Variants in ASTN2 observed in about 807,000 individuals in gnomAD.
ASTN2 encodes the protein astrotactin-2.
ASTN2 carries 54 observed loss-of-function variants against 139.8 expected under a neutral mutation model. The ratio of observed to expected loss-of-function variants is 0.39; its 90% CI spans 0.31 to 0.48. The LOEUF (loss-of-function observed/expected upper bound fraction) is 0.48. Among genes scored for constraint, ASTN2 ranks in the 20% least tolerant of loss-of-function variants. The pLI is 0.95. For missense variants in ASTN2, 1,565 were observed against 1,725.1 expected, an observed-to-expected ratio of 0.91 and a Z score of 1.64; for synonymous variants, 756 against 719.5, an observed-to-expected ratio of 1.05 and a Z score of -0.81.
intron 16 of ASTN2, among the ~76,000 whole-genome samples, chr9:116,676,083 T>C (rs1420855128): frequency 6.6e-6 from 1 of 152,144 alleles, no homozygotes; most frequent in Non-Finnish European, 1.5e-5. Flanking sequence ...GATTTTCTCT[T>C]GTAAAGTGGC....
At chr9:116,592,182 C>T (rs2416562) in intron 19 of ASTN2, among the ~76,000 whole-genome samples, 66,883 of 152,086 alleles carry the variant, frequency 0.44, 15,521 homozygotes, top group East Asian at 0.7. Context: ...ACCAGTGTAT[C>T]AGTCCATTCT....
intron 4 of ASTN2, among the ~76,000 whole-genome samples, chr9:117,119,283 C>A (rs1228169432): frequency 6.6e-6 from 1 of 152,212 alleles, no homozygotes; most frequent in Non-Finnish European, 1.5e-5. Flanking sequence ...AAATGAGGAA[C>A]TCTCTGGGGA....
chr9:116,642,855 G>A (rs886131214), intron 17 of ASTN2, among the ~76,000 whole-genome samples: 5 of 152,084 alleles, frequency 3.3e-5, no homozygotes, highest in Non-Finnish European at 7.4e-5. Context: ...CACAGCACCC[G>A]AATTTTACAA....
intron 5 of ASTN2, among the ~76,000 whole-genome samples, chr9:117,049,951 T>C (rs1292677149): frequency 1.3e-5 from 2 of 152,134 alleles, no homozygotes; most frequent in East Asian, 3.9e-4. Flanking sequence ...AGCTCTAGAA[T>C]GGCTCAGAAA....
intron 3 of ASTN2, among the ~76,000 whole-genome samples, chr9:117,142,688 G>A (rs1461903719): frequency 6.6e-6 from 1 of 151,996 alleles, no homozygotes; most frequent in Non-Finnish European, 1.5e-5. Context: ...AAAGTTGGAA[G>A]ATAAAAGGAA....
At chr9:116,964,956 A>G (rs1350770369) in intron 10 of ASTN2, among the ~76,000 whole-genome samples, 1 of 152,216 alleles carries the variant, frequency 6.6e-6, no homozygotes. Flanking sequence ...CAGCAACCAA[A>G]GTTATCGCTT....
At chr9:117,407,527 C>T (rs1397304083) in intron 1 of ASTN2, among the ~76,000 whole-genome samples, 1 of 152,192 alleles carries the variant, frequency 6.6e-6, no homozygotes, top group Non-Finnish European at 1.5e-5. Flanking sequence ...CTACAACATG[C>T]TTGTCAAATT....
intron 1 of ASTN2, among the ~76,000 whole-genome samples, chr9:117,388,870 T>G (rs1830471722): frequency 6.6e-6 from 1 of 152,228 alleles, no homozygotes; most frequent in African/African-American, 2.4e-5. Flanking sequence ...ATCTTGCCCT[T>G]GGGGTCCTTC....
At position 117,013,798 on chromosome 9, in the gene ASTN2, C is replaced by T. The variant is rs569182812; in HGVS notation, c.1424-5539G>A. ...CTACAGATGAGAACTAAAAATACCACGGAAGGAGGTATCACCAGACAAAAT... is the reference window on the plus strand; with the variant it reads ...CTACAGATGAGAACTAAAAATACCATGGAAGGAGGTATCACCAGACAAAAT... On this transcript the variant is annotated intron_variant, in intron 6 of 22. Coordinates refer to ENST00000313400, the MANE Select transcript of ASTN2 (RefSeq NM_001365068.1). Among the ~76,000 whole-genome samples the T allele has an allele frequency of 2.0e-4, 31 of 152,178 alleles. 1 individual carries two copies. In the South Asian group the frequency reaches 5.6e-3, roughly 28 times the overall value.
Position 117,414,481 on chromosome 9 carries a change from C to T in ASTN2, c.442+16G>A. 2 of 1,607,196 alleles carry T rather than the reference C, an allele frequency of 1.2e-6. No homozygotes were observed. The highest frequency in any genetic ancestry group is 1.7e-6 in the Non-Finnish European group (2 of 1,177,258). ...GGGTTCCTTGGGATCTAGCGCGTGC[C>T]GGCGCCCAGCCTTACCCAGGGTGAA... is the stretch of plus-strand genomic sequence containing the variant. On this transcript the variant is annotated intron_variant, in intron 1 of 22. Coordinates refer to ENST00000313400, the MANE Select transcript of ASTN2 (RefSeq NM_001365068.1). The surrounding 1 kb of genome is among the most constrained non-coding windows in gnomAD (Gnocchi z 4.2).
At chr9:116,895,529 T>G (rs915260355) in intron 10 of ASTN2, among the ~76,000 whole-genome samples, 1 of 152,138 alleles carries the variant, frequency 6.6e-6, no homozygotes, top group African/African-American at 2.4e-5. Flanking sequence ...GGGCAAAGGA[T>G]GTGAGTTAGA....
At chr9:116,753,142 C>T (rs993323539) in intron 13 of ASTN2, among the ~76,000 whole-genome samples, 6 of 152,168 alleles carry the variant, frequency 3.9e-5, no homozygotes, top group African/African-American at 1.4e-4. Flanking sequence ...AATAAACAAA[C>T]ATCCATATAA....
intron 10 of ASTN2, among the ~76,000 whole-genome samples, chr9:116,883,503 C>T (rs185579754): frequency 4.6e-5 from 7 of 152,308 alleles, no homozygotes; most frequent in African/African-American, 1.4e-4. Flanking sequence ...TTTCCTCACA[C>T]ACACACACTG....
At position 117,137,728 on chromosome 9, in the gene ASTN2, T is replaced by A. The variant is rs547292732; in HGVS notation, c.1168+3598A>T. Among the ~76,000 whole-genome samples, 17 of 152,130 alleles carry A rather than the reference T, an allele frequency of 1.1e-4. No individual in the cohort carries two copies. The East Asian group carries it at 3.3e-3, about 29-fold the overall frequency. ...TTCCAAACTTTTTTTTTTTTAATCA[T>A]GAAATTCTTTTGTCCAAGGAAATCT... On this transcript the variant is annotated intron_variant, in intron 4 of 22. Transcript: ENST00000313400.
intron 11 of ASTN2, among the ~76,000 whole-genome samples, chr9:116,826,147 G>C (rs1283194772): frequency 2.0e-5 from 3 of 152,234 alleles, no homozygotes; most frequent in African/African-American, 7.2e-5. Context: ...CCATTGGCAT[G>C]AGTTTGGGTT....
At chr9:117,241,113 C>A (rs1833192370) in intron 2 of ASTN2, among the ~76,000 whole-genome samples, 2 of 152,200 alleles carry the variant, frequency 1.3e-5, no homozygotes, top group African/African-American at 4.8e-5. Context: ...GGACCATTCG[C>A]TCTGACAGTA....
intron 16 of ASTN2, among the ~76,000 whole-genome samples, chr9:116,655,346 TCTC>T (rs1237045614): frequency 2.6e-5 from 4 of 152,314 alleles, no homozygotes; most frequent in African/African-American, 9.6e-5. Flanking sequence ...CTTTTATTCT[TCTC>T]CTGCTTAAAA....
At chr9:117,091,717 C>A (rs79952209) in intron 5 of ASTN2, among the ~76,000 whole-genome samples, 1 of 151,860 alleles carries the variant, frequency 6.6e-6, no homozygotes, top group African/African-American at 2.4e-5. Context: ...GCGGACAGAG[C>A]CCTGGGGAGA....
intron 19 of ASTN2, among the ~76,000 whole-genome samples, chr9:116,530,094 G>GATATATATAT (rs3984942): frequency 1.4e-4 from 7 of 51,076 alleles, no homozygotes; most frequent in African/African-American, 2.4e-4. Flanking sequence ...GATAAAGTGT[G>GATATATATAT]ATATATATAT....
Sources: gnomAD v4.1 joint callset for allele counts (sites outside exome capture counted in the v4.1 genomes callset) on GRCh38, gnomAD v4.1.1 for gene constraint, Gnocchi (gnomAD v3.1) non-coding constraint, MANE v1.5 for transcripts, NCBI Gene and HGNC (gene_info 2026-07-23, HGNC 2026-07-21) for gene names.